Variants in DNAJB4 observed in about 807,000 individuals in gnomAD.
DNAJB4 encodes DnaJ heat shock protein family (Hsp40) member B4.
DNAJB4 carries 10 observed loss-of-function variants against 26.6 expected under a neutral mutation model. That is an observed-to-expected ratio of 0.38 (90% CI 0.23 to 0.64). The LOEUF (loss-of-function observed/expected upper bound fraction) is 0.64, where lower values mean the gene tolerates loss of function less well. Ranked by LOEUF, DNAJB4 falls within the 30% of genes least tolerant of loss-of-function variation. The pLI, the probability that DNAJB4 is intolerant of heterozygous loss-of-function variation, is 0.58. For missense variants in DNAJB4, 328 were observed against 408.2 expected (o/e 0.80, Z 1.69); for synonymous variants, 136 against 134.8 (o/e 1.01, Z -0.06).
chr1:77,993,159 C>G (rs879425668), intron 1 of DNAJB4, among the ~76,000 whole-genome samples: 2 of 152,160 alleles, frequency 1.3e-5, no homozygotes, highest in Admixed American at 1.3e-4. Context: ...CAGAAGTTGG[C>G]AAACATTTCC....
chr1:78,002,763 T>C (rs1166313570), upstream of DNAJB4, among the ~76,000 whole-genome samples: 3 of 152,192 alleles, frequency 2.0e-5, no homozygotes, highest in Non-Finnish European at 2.9e-5. Flanking sequence ...TCTTATTAAC[T>C]TGAAATGTCA....
intron 1 of DNAJB4, among the ~76,000 whole-genome samples, chr1:77,995,609 C>T (rs1463794700): frequency 6.6e-6 from 1 of 152,108 alleles, no homozygotes; most frequent in African/African-American, 2.4e-5. Context: ...CATGCCACTA[C>T]ATCTGGCTAA....
upstream of DNAJB4, chr1:78,004,895 T>C: frequency 3.7e-6 from 2 of 546,798 alleles, no homozygotes; most frequent in Admixed American, 6.7e-5. Context: ...AAGGAGGCTG[T>C]CTCCTGTGTA....
chr1:78,013,084 A>AT lies in DNAJB4; in HGVS notation c.245_246insT (p.Gln82HisfsTer28). 6.2e-7 allele frequency: 1 copy of AT among 1,612,820 alleles called. No individual in the cohort carries two copies. The highest frequency in any genetic ancestry group is 8.5e-7 in the Non-Finnish European group (1 of 1,179,236). The stretch of plus-strand genomic sequence containing the variant: ...GGAGGAGCAGGAGGTACTGATGGAC[A>AT]AGGAGGTACCTTCCGGTACACCTTT... On this transcript the variant is annotated frameshift_variant, in exon 2 of 3. Coordinates refer to ENST00000370763, the MANE Select transcript of DNAJB4 (RefSeq NM_007034.5). LOFTEE classifies it high-confidence loss of function.
At chr1:77,992,013 C>T (rs1416566166) in intron 1 of DNAJB4, among the ~76,000 whole-genome samples, 1 of 152,178 alleles carries the variant, frequency 6.6e-6, no homozygotes, top group African/African-American at 2.4e-5. Flanking sequence ...CACTGTATTT[C>T]CCTTAGGGGC....
intron 1 of DNAJB4, among the ~76,000 whole-genome samples, chr1:77,992,221 G>A (rs1293351711): frequency 1.3e-5 from 2 of 151,382 alleles, no homozygotes; most frequent in Non-Finnish European, 1.5e-5. Flanking sequence ...AGACCATCCC[G>A]GCTAAAACGG....
At chr1:77,990,508 A>G (rs1356542736) in intron 1 of DNAJB4, among the ~76,000 whole-genome samples, 1 of 152,214 alleles carries the variant, frequency 6.6e-6, no homozygotes, top group African/African-American at 2.4e-5. Context: ...TTACATTTTA[A>G]TGAGGTAGTT....
rs138757165 is a variant in DNAJB4 at position 78,013,219 on chromosome 1, T to A, written c.380T>A (p.Ile127Lys). ...GGGRDSEEME[I>K]DGDPFSAFGF... ...GGTAGAGATTCTGAAGAAATGGAAA[T>A]AGATGGTGATCCTTTTAGTGCCTTT... The change falls in exon 2 of 3, where the codon ATA becomes AAA. Residue 127 changes from isoleucine to lysine, a missense_variant. Physicochemically the swap from Ile to Lys is moderately radical, Grantham distance 102. Transcript: ENST00000370763. 700 of 1,614,072 alleles carry A rather than the reference T, an allele frequency of 4.3e-4. No homozygotes were observed. Among genetic ancestry groups the A allele is most frequent in the Non-Finnish European group, 5.7e-4 (674 of 1,180,040 alleles).
chr1:78,008,218 C>T (rs922763149), intron 1 of DNAJB4, among the ~76,000 whole-genome samples: 1 of 151,946 alleles, frequency 6.6e-6, no homozygotes, highest in Non-Finnish European at 1.5e-5. Context: ...AAAAAAAATA[C>T]GGATAACTCA....
chr1:78,015,055 T>A (rs1287959647), intron 2 of DNAJB4, among the ~76,000 whole-genome samples: 1 of 152,210 alleles, frequency 6.6e-6, no homozygotes, highest in Non-Finnish European at 1.5e-5. Flanking sequence ...GTGCTCTTTC[T>A]CTTACAAAAG....
intron 1 of DNAJB4, among the ~76,000 whole-genome samples, chr1:77,993,921 G>A (rs1660000186): frequency 6.6e-6 from 1 of 152,020 alleles, no homozygotes. Flanking sequence ...ATAGTAGTTG[G>A]TAAATACTAT....
At chr1:77,988,717 T>A (rs1345890570) in intron 1 of DNAJB4, among the ~76,000 whole-genome samples, 6 of 152,170 alleles carry the variant, frequency 3.9e-5, no homozygotes, top group Non-Finnish European at 8.8e-5. Flanking sequence ...AAATTTTGAA[T>A]CTCCTTATTT....
intron 1 of DNAJB4, among the ~76,000 whole-genome samples, chr1:77,984,097 T>A (rs1488228896): frequency 6.6e-6 from 1 of 152,218 alleles, no homozygotes; most frequent in South Asian, 2.1e-4. Context: ...GTAAACTGTC[T>A]TAACCAATCA....
chr1:77,987,465 A>C (rs1355653590), intron 1 of DNAJB4, among the ~76,000 whole-genome samples: 1 of 152,120 alleles, frequency 6.6e-6, no homozygotes, highest in Admixed American at 6.5e-5. Flanking sequence ...GGGTCTCGCT[A>C]TGTTGCCTAG....
At chr1:77,980,446 T>A (rs1659553700) in intron 1 of DNAJB4, 1 of 152,056 alleles carries the variant, frequency 6.6e-6, no homozygotes, top group Admixed American at 6.6e-5. Flanking sequence ...TTCTCCAACA[T>A]ATCGTGGCAT....
At chr1:77,979,914 G>A (rs1381412269), upstream of DNAJB4, among the ~76,000 whole-genome samples, 1 of 151,582 alleles carries the variant, frequency 6.6e-6, no homozygotes, top group Non-Finnish European at 1.5e-5. Context: ...TGAGAGTCTC[G>A]CTCTGTTACC....
At position 78,004,954 on chromosome 1, in the gene DNAJB4, G is replaced by T. The variant is rs1660291670; in HGVS notation, c.-157G>T. 1 of 714,472 alleles carries T rather than the reference G, an allele frequency of 1.4e-6. No homozygotes were observed. The highest frequency in any genetic ancestry group is 2.7e-5 in the Admixed American group (1 of 37,734). 44.3% of individuals were successfully genotyped at this position (714,472 alleles called of 1,614,324 possible). On this transcript the variant is annotated 5_prime_UTR_variant, in exon 1 of 3. Transcript: ENST00000370763. ...CCGTTGGGGAAGGATTGAATACAGAGACGCTGTCTGCTTGCTGCCTTAAGA... is the reference window on the plus strand; with the variant it reads ...CCGTTGGGGAAGGATTGAATACAGATACGCTGTCTGCTTGCTGCCTTAAGA...
intron 1 of DNAJB4, among the ~76,000 whole-genome samples, chr1:78,012,304 A>C (rs536802586): frequency 2.9e-4 from 44 of 151,026 alleles, no homozygotes; most frequent in African/African-American, 1.0e-3. Context: ...CTAGTATTAC[A>C]GGCACCTGCC....
intron 1 of DNAJB4, among the ~76,000 whole-genome samples, chr1:78,011,918 ATT>A (rs1660488474): frequency 6.7e-6 from 1 of 148,594 alleles, no homozygotes; most frequent in Non-Finnish European, 1.5e-5. Flanking sequence ...GGTATTTTAT[ATT>A]TTGCTATATA....
Sources: gnomAD v4.1 joint callset for allele counts (sites outside exome capture counted in the v4.1 genomes callset) on GRCh38, gnomAD v4.1.1 for gene constraint, MANE v1.5 for transcripts, NCBI Gene and HGNC (gene_info 2026-07-23, HGNC 2026-07-21) for gene names.